VAV1: variants seen among roughly 807,000 people sequenced by gnomAD.
The protein encoded by VAV1 is vav guanine nucleotide exchange factor 1.
Under a neutral mutation model 128.1 loss-of-function variants are expected in VAV1, and 33 were observed. The ratio of observed to expected loss-of-function variants is 0.26; its 90% CI spans 0.20 to 0.34. The LOEUF is 0.34. Among genes scored for constraint, VAV1 ranks in the 10% least tolerant of loss-of-function variants. The pLI is 1.00. For missense variants in VAV1, 715 were observed against 1,093.7 expected (o/e 0.65, Z 4.88); for synonymous variants, 394 against 409.8 (o/e 0.96, Z 0.47).
In VAV1 at chr19:6,824,943, C is replaced by T. The variant is rs115412649; in HGVS notation, c.655-110C>T. The T allele has an allele frequency of 1.4e-3, 1,581 of 1,143,332 alleles. 16 individuals are homozygous for T. The African/African-American group carries it at 0.021, about 15-fold the overall frequency. The allele number at this position is 1,143,332 out of a possible 1,614,324, so 70.8% of individuals were successfully genotyped here. A position where few individuals can be genotyped will look rare whatever the true frequency, so the allele number is the denominator to read the frequency against. ...ATTCTTGTACAAGTTTTTGTGTGGACGCGCTGCCTCTCTTTATCTCCCTCT... is the reference window on the plus strand; with the variant it reads ...ATTCTTGTACAAGTTTTTGTGTGGATGCGCTGCCTCTCTTTATCTCCCTCT... On this transcript the variant is annotated intron_variant, in intron 6 of 26. Coordinates refer to ENST00000602142, the MANE Select transcript of VAV1 (RefSeq NM_005428.4).
intron 1 of VAV1, among the ~76,000 whole-genome samples, chr19:6,802,041 C>T (rs371725160): frequency 2.7e-4 from 41 of 149,436 alleles, no homozygotes; most frequent in African/African-American, 9.6e-4. Context: ...CATAATGCCT[C>T]TCCTACGTTT....
At position 6,791,436 on chromosome 19, in the gene VAV1, A is replaced by G. The variant is rs192485901; in HGVS notation, c.204+18425A>G. ...CGAGGTCCTTGAGCTATCTCATCTC[A>G]AGGTCCTTGAGCTAGCTCCTTATCC... On this transcript the variant is annotated intron_variant, in intron 1 of 26. Transcript: ENST00000602142. 2.0e-3 allele frequency among the ~76,000 whole-genome samples: 304 copies of G among 150,450 alleles called. 2 individuals are homozygous for G. Among genetic ancestry groups the G allele is most frequent in the Middle Eastern group, 0.014 (4 of 286 alleles).
rs911990552 is a variant in VAV1 at position 6,833,222 on chromosome 19, A to G, written c.1547A>G (p.His516Arg). Residue 516 changes from histidine to arginine, a missense_variant, in exon 16 of 27, where the codon CAT (histidine) becomes CGT (arginine). Coordinates refer to ENST00000602142, the MANE Select transcript of VAV1 (RefSeq NM_005428.4). ...IYPENATANGHDFQMFSFEET... is the reference protein window; with the variant it reads ...IYPENATANGRDFQMFSFEET... ...CCGGAGAATGCCACCGCCAACGGGC[A>G]TGACTTCCAGATGTTCTCCTTTGAG... The G allele has an allele frequency of 6.2e-7, 1 of 1,612,878 alleles. No homozygotes were observed. The highest frequency in any genetic ancestry group is 8.5e-7 in the Non-Finnish European group (1 of 1,179,808).
intron 1 of VAV1, among the ~76,000 whole-genome samples, chr19:6,801,760 C>A (rs1480414424): frequency 6.6e-6 from 1 of 152,162 alleles, no homozygotes; most frequent in Admixed American, 6.5e-5. Flanking sequence ...TTCTCCCAGA[C>A]CCCAGAGGCC....
intron 22 of VAV1, among the ~76,000 whole-genome samples, chr19:6,843,873 G>C (rs1972442449): frequency 6.6e-6 from 1 of 151,280 alleles, no homozygotes. Flanking sequence ...GATCCACAGT[G>C]TCCATCTTCT....
At chr19:6,783,052 T>C (rs10411364) in intron 1 of VAV1, among the ~76,000 whole-genome samples, 32,845 of 151,812 alleles carry the variant, frequency 0.22, 3,627 homozygotes, top group African/African-American at 0.25. Context: ...TGGTGGTGTA[T>C]GCCTGTAGTC....
In VAV1 at chr19:6,833,712, T is replaced by C. The variant is rs549916293; in HGVS notation, c.1710T>C (p.Asp570=). The change falls in exon 18 of 27, where the codon GAT becomes GAC. Residue 570 remains aspartate (D), a splice_region_variant and synonymous_variant. Coordinates refer to ENST00000602142, the MANE Select transcript of VAV1 (RefSeq NM_005428.4). ...RVPPCGRHGQ[D]FPGTMKKDKL... ...ACCATTTCCTTTACCCTCCCGTAGATTTCCCAGGAACTATGAAGAAGGTAA... is the reference window on the plus strand; with the variant it reads ...ACCATTTCCTTTACCCTCCCGTAGACTTCCCAGGAACTATGAAGAAGGTAA... 4 of 1,614,168 alleles carry C rather than the reference T, an allele frequency of 2.5e-6. No homozygotes were observed. In the East Asian group the frequency reaches 8.9e-5, roughly 36 times the overall value.
intron 1 of VAV1, among the ~76,000 whole-genome samples, chr19:6,804,798 A>T (rs1208055363): frequency 6.8e-6 from 1 of 146,054 alleles, no homozygotes; most frequent in Non-Finnish European, 1.5e-5. Context: ...ATCTTGGCTC[A>T]CTGCAAGCTC....
intron 1 of VAV1, among the ~76,000 whole-genome samples, chr19:6,795,070 A>C (rs1331955268): frequency 6.6e-6 from 1 of 152,176 alleles, no homozygotes; most frequent in African/African-American, 2.4e-5. Context: ...GTATTCCTCA[A>C]AAAGATCAAG....
chr19:6,815,683 G>A (rs927646678), intron 1 of VAV1, among the ~76,000 whole-genome samples: 8 of 152,190 alleles, frequency 5.3e-5, no homozygotes, highest in Non-Finnish European at 1.0e-4. Flanking sequence ...GCACAGGCTT[G>A]GAAGTCATGC....
intron 1 of VAV1, among the ~76,000 whole-genome samples, chr19:6,791,155 T>C (rs1164079775): frequency 6.6e-6 from 1 of 152,242 alleles, no homozygotes; most frequent in Non-Finnish European, 1.5e-5. Flanking sequence ...GGGTCTTAAA[T>C]ATCTCCTCAT....
At position 6,828,549 on chromosome 19, in the gene VAV1, T is replaced by G; in HGVS notation, c.1092+62T>G. 1 of 1,613,626 alleles carries G rather than the reference T, an allele frequency of 6.2e-7. No homozygotes were observed. The highest frequency in any genetic ancestry group is 8.5e-7 in the Non-Finnish European group (1 of 1,179,614). ...CAGACACCCTCCTGGTAGGGGCTGA[T>G]CCTCTAGCCGGGATTAGGTAGGAGC... On this transcript the variant is annotated intron_variant, in intron 11 of 26. Transcript: ENST00000602142. The surrounding 1 kb of genome is among the most constrained non-coding windows in gnomAD (Gnocchi z 4.5).
intron 1 of VAV1, among the ~76,000 whole-genome samples, chr19:6,811,993 T>G (rs562867063): frequency 2.5e-4 from 38 of 152,296 alleles, no homozygotes; most frequent in African/African-American, 9.1e-4. Flanking sequence ...AGAGGAGGTA[T>G]GGAGAAGTAA....
chr19:6,853,174 T>G (rs946897296), intron 25 of VAV1, 95 bp downstream of exon 25: 11 of 1,025,368 alleles, frequency 1.1e-5, no homozygotes, highest in Non-Finnish European at 1.6e-5. Context: ...CCAATGGCCT[T>G]GCAGAGGTCA....
Position 6,820,747 on chromosome 19 carries a change from G to A in VAV1, c.250G>A (p.Glu84Lys). The A allele has an allele frequency of 6.2e-7, 1 of 1,614,196 alleles. No individual in the cohort carries two copies. Among genetic ancestry groups the A allele is most frequent in the Non-Finnish European group, 8.5e-7 (1 of 1,180,036 alleles). The change falls in exon 2 of 27, where the codon GAG becomes AAG. Residue 84 changes from glutamate (E) to lysine (K), a missense_variant. By Grantham distance (56) the Glu-to-Lys change is moderately conservative. Coordinates refer to ENST00000602142, the MANE Select transcript of VAV1 (RefSeq NM_005428.4). This position sits in a 1 kb window ranked among gnomAD's most constrained non-coding sequence, Gnocchi z 4.4. ...NIRTFLSTCCEKFGLKRSELF... is the reference protein window; with the variant it reads ...NIRTFLSTCCKKFGLKRSELF... The stretch of plus-strand genomic sequence containing the variant: ...TAGAACCTTCCTGTCCACCTGCTGT[G>A]AGAAGTTCGGCCTCAAGCGGAGCGA...
chr19:6,793,047 A>G (rs574553064), intron 1 of VAV1, among the ~76,000 whole-genome samples: 2 of 152,064 alleles, frequency 1.3e-5, no homozygotes, highest in African/African-American at 4.8e-5. Context: ...AAAGGACCAT[A>G]TATATGGCCG....
chr19:6,789,452 C>T (rs1044395169), intron 1 of VAV1, among the ~76,000 whole-genome samples: 1 of 152,108 alleles, frequency 6.6e-6, no homozygotes, highest in Admixed American at 6.6e-5. Context: ...GGGGTTTCAC[C>T]GTGTTAGCCA....
intron 1 of VAV1, chr19:6,784,204 T>C (rs773332827): frequency 1.1e-4 from 69 of 646,782 alleles, no homozygotes; most frequent in Admixed American, 1.5e-4. Flanking sequence ...CAGTGAGCTA[T>C]GATTGTGCTA....
At chr19:6,803,171 G>A (rs1971311481) in intron 1 of VAV1, among the ~76,000 whole-genome samples, 1 of 151,548 alleles carries the variant, frequency 6.6e-6, no homozygotes, top group East Asian at 1.9e-4. Flanking sequence ...AAGTGAAAGT[G>A]CATAGCGGCA....
Sources: allele counts gnomAD v4.1 joint callset (sites outside exome capture counted in the v4.1 genomes callset), GRCh38; gene constraint gnomAD v4.1.1; non-coding constraint Gnocchi (gnomAD v3.1); transcripts MANE v1.5; gene names NCBI Gene and HGNC (gene_info 2026-07-23, HGNC 2026-07-21).